MAF: variants seen among roughly 807,000 people sequenced by gnomAD.
MAF encodes the protein transcription factor Maf.
MAF carries 10 observed loss-of-function variants against 22.0 expected under a neutral mutation model. The observed-to-expected ratio is 0.45, with a 90% CI of 0.28 to 0.77. The LOEUF (loss-of-function observed/expected upper bound fraction) is 0.77. Among genes scored for constraint, MAF ranks in the 30% least tolerant of loss-of-function variants. The pLI is 0.12. For missense variants in MAF, 544 were observed against 548.4 expected (o/e 0.99, Z 0.08); for synonymous variants, 337 against 255.8 (o/e 1.32, Z -3.03).
the MAF span, among the ~76,000 whole-genome samples, chr16:79,280,355 G>A: frequency 6.6e-6 from 1 of 152,174 alleles, no homozygotes; most frequent in African/African-American, 2.4e-5. Context: ...GTTTTGAAAA[G>A]GGCAAATCCA....
At chr16:79,518,368 G>A in the MAF span, among the ~76,000 whole-genome samples, 2 of 152,200 alleles carry the variant, frequency 1.3e-5, no homozygotes, top group African/African-American at 4.8e-5. Context: ...TGAGCTCCCT[G>A]GCTGGCTGGA....
At chr16:79,270,867 C>T in the MAF span, among the ~76,000 whole-genome samples, 1 of 151,240 alleles carries the variant, frequency 6.6e-6, no homozygotes, top group African/African-American at 2.4e-5. Flanking sequence ...ACACTCTGTC[C>T]CTCTAATTTG....
chr16:79,328,688 C>G, the MAF span, among the ~76,000 whole-genome samples: 2 of 152,114 alleles, frequency 1.3e-5, no homozygotes, highest in African/African-American at 4.8e-5. Flanking sequence ...CAATATAACT[C>G]CATTAGATTT....
the MAF span, among the ~76,000 whole-genome samples, chr16:79,502,390 G>A: frequency 2.0e-5 from 3 of 152,150 alleles, no homozygotes; most frequent in Admixed American, 1.3e-4. Flanking sequence ...ATCAGGCTAG[G>A]CACAGTGGGT....
chr16:79,285,593 G>A, the MAF span, among the ~76,000 whole-genome samples: 1 of 152,136 alleles, frequency 6.6e-6, no homozygotes, highest in African/African-American at 2.4e-5. Flanking sequence ...GACTCTGGAT[G>A]TTGCTTTTAT....
the MAF span, among the ~76,000 whole-genome samples, chr16:79,406,671 G>T: frequency 6.6e-6 from 1 of 152,172 alleles, no homozygotes; most frequent in Non-Finnish European, 1.5e-5. Context: ...GATTTGTGGG[G>T]AGTGGGGCAT....
At chr16:79,297,361 T>C in the MAF span, among the ~76,000 whole-genome samples, 2 of 152,320 alleles carry the variant, frequency 1.3e-5, no homozygotes, top group South Asian at 4.1e-4. Flanking sequence ...CAGCATTTAA[T>C]GAATATCTAC....
At chr16:79,369,945 G>A in the MAF span, among the ~76,000 whole-genome samples, 22 of 152,342 alleles carry the variant, frequency 1.4e-4, no homozygotes, top group South Asian at 1.9e-3. Flanking sequence ...CCCACAGAGG[G>A]CCTCTCCCAA....
the MAF span, among the ~76,000 whole-genome samples, chr16:79,364,296 A>G: frequency 6.6e-6 from 1 of 152,240 alleles, no homozygotes; most frequent in Non-Finnish European, 1.5e-5. Flanking sequence ...GACCAGTGAC[A>G]CAGACAACAA....
At chr16:79,543,736 G>C in the MAF span, among the ~76,000 whole-genome samples, 1 of 150,022 alleles carries the variant, frequency 6.7e-6, no homozygotes, top group Non-Finnish European at 1.5e-5. Context: ...GCCCAGGCTG[G>C]AGTGCAGTGG....
At chr16:79,293,779 A>T in the MAF span, among the ~76,000 whole-genome samples, 2 of 152,170 alleles carry the variant, frequency 1.3e-5, no homozygotes, top group East Asian at 3.8e-4. Flanking sequence ...TGGATGCTAG[A>T]AACAAGAACC....
chr16:79,549,172 C>T, the MAF span, among the ~76,000 whole-genome samples: 39 of 152,238 alleles, frequency 2.6e-4, no homozygotes, highest in African/African-American at 8.2e-4. Flanking sequence ...ATGATGGTGA[C>T]GAGCAACAGG....
chr16:79,586,361 C>A lies in MAF; in HGVS notation c.1119-420G>T, dbSNP rs536992354. Among the ~76,000 whole-genome samples, 142 of 152,288 alleles carry A rather than the reference C, an allele frequency of 9.3e-4. 1 individual carries two copies. Among genetic ancestry groups the A allele is most frequent in the Non-Finnish European group, 1.8e-3 (125 of 68,022 alleles). ...GCTGTCCGCCCCTGGGAGAACCACACTGGCCCAGCTTCTGCCGGTGTGTGC... is the reference window on the plus strand; with the variant it reads ...GCTGTCCGCCCCTGGGAGAACCACAATGGCCCAGCTTCTGCCGGTGTGTGC... On this transcript the variant is annotated intron_variant, in intron 1 of 1. Transcript: ENST00000569649.
the MAF span, among the ~76,000 whole-genome samples, chr16:79,453,263 C>G: frequency 6.6e-6 from 1 of 152,290 alleles, no homozygotes; most frequent in African/African-American, 2.4e-5. Flanking sequence ...AATCCCATCT[C>G]TCCCCTGCCA....
the MAF span, among the ~76,000 whole-genome samples, chr16:79,423,270 G>T: frequency 6.6e-6 from 1 of 152,258 alleles, no homozygotes; most frequent in Admixed American, 6.5e-5. Context: ...TGGTGAACCT[G>T]TTCTAGGGAG....
At chr16:79,563,585 G>T in the MAF span, among the ~76,000 whole-genome samples, 1 of 150,584 alleles carries the variant, frequency 6.6e-6, no homozygotes, top group Admixed American at 6.6e-5. Context: ...TAATACTTTT[G>T]ATTTATGGCA....
chr16:79,538,658 TAAA>T, the MAF span, among the ~76,000 whole-genome samples: 4 of 151,992 alleles, frequency 2.6e-5, no homozygotes, highest in African/African-American at 9.7e-5. Context: ...CTGGGAGATA[TAAA>T]TTGCTGGGAG....
chr16:79,440,473 G>A, the MAF span, among the ~76,000 whole-genome samples: 1 of 152,010 alleles, frequency 6.6e-6, no homozygotes, highest in Admixed American at 6.6e-5. Flanking sequence ...GTCTCGTTTG[G>A]TCACCAGGCT....
chr16:79,507,777 A>G, the MAF span, among the ~76,000 whole-genome samples: 4 of 152,306 alleles, frequency 2.6e-5, no homozygotes, highest in South Asian at 8.3e-4. Context: ...AAATGAACTG[A>G]TAAGCATGTA....
Sources: gnomAD v4.1 joint callset for allele counts (sites outside exome capture counted in the v4.1 genomes callset) on GRCh38, gnomAD v4.1.1 for gene constraint, MANE v1.5 for transcripts, NCBI Gene and HGNC (gene_info 2026-07-23, HGNC 2026-07-21) for gene names.